COX15: variants seen among roughly 807,000 people sequenced by gnomAD.
COX15 encodes heme A synthase COX15.
Under a neutral mutation model 51.9 loss-of-function variants are expected in COX15, and 51 were observed. That is an observed-to-expected ratio of 0.98 (90% CI 0.78 to 1.24). The LOEUF (loss-of-function observed/expected upper bound fraction) is 1.24, where lower values mean the gene tolerates loss of function less well. COX15 is among the 50% of genes most tolerant of loss of function. The pLI, the probability that COX15 is intolerant of heterozygous loss-of-function variation, is 0.00. For missense variants in COX15, 420 were observed against 501.1 expected (o/e 0.84, Z 1.55); for synonymous variants, 188 against 190.5 (o/e 0.99, Z 0.11).
intron 7 of COX15, among the ~76,000 whole-genome samples, chr10:99,716,839 G>T (rs960128682): frequency 3.3e-5 from 5 of 151,778 alleles, no homozygotes; most frequent in Non-Finnish European, 5.9e-5. Context: ...AGCACATGAG[G>T]GTTATTATTT....
chr10:99,710,981 G>T lies in COX15; in HGVS notation c.*3606C>A. 1 of 985,188 alleles carries T rather than the reference G, an allele frequency of 1.0e-6. No homozygotes were observed. The highest frequency in any genetic ancestry group is 1.2e-6 in the Non-Finnish European group (1 of 829,774). 61.0% of individuals were successfully genotyped at this position (985,188 alleles called of 1,614,324 possible). On this transcript the variant is annotated 3_prime_UTR_variant, in exon 9 of 9. Coordinates refer to ENST00000016171, the MANE Select transcript of COX15 (RefSeq NM_078470.6). ...CTATTTAATCCTATAGGTATGTGAT[G>T]ACTTGTTTTTTTGGAAAAAGGTATT...
downstream of COX15, chr10:99,709,144 T>C (rs1471638660): frequency 1.0e-6 from 1 of 984,468 alleles, no homozygotes; most frequent in Non-Finnish European, 1.2e-6. Context: ...ATTCATTAGA[T>C]GACTACAGCC....
At chr10:99,697,435 G>C in the COX15 span, 1 of 157,490 alleles carries the variant, frequency 6.3e-6, no homozygotes, top group Admixed American at 6.5e-5. Flanking sequence ...TTTTCTGTCT[G>C]CTGTTTTCTG....
At chr10:99,696,535 A>C in the COX15 span, among the ~76,000 whole-genome samples, 1 of 152,202 alleles carries the variant, frequency 6.6e-6, no homozygotes, top group Non-Finnish European at 1.5e-5. Flanking sequence ...TCAGTTCTGT[A>C]GTATGTCTAA....
At chr10:99,700,727 A>C in the COX15 span, 1 of 537,996 alleles carries the variant, frequency 1.9e-6, no homozygotes, top group South Asian at 2.3e-5. Context: ...TGTTAGTCCT[A>C]ACCTCAGCCC....
At chr10:99,702,608 G>A in the COX15 span, 4 of 1,613,820 alleles carry the variant, frequency 2.5e-6, no homozygotes, top group Non-Finnish European at 3.4e-6. Context: ...CCCAGCTGGT[G>A]TATGACCGAG....
Position 99,714,261 on chromosome 10 carries a change from A to G in COX15, c.*326T>C. 8.5e-7 allele frequency: 1 copy of G among 1,174,996 alleles called. No individual in the cohort carries two copies. The allele number at this position is 1,174,996 out of a possible 1,614,324, so 72.8% of individuals were successfully genotyped here. ...GACTCAGGAGAACATCCACGTAGAA[A>G]TCATCCACGTAGAACCAAGAGCTTG... On this transcript the variant is annotated 3_prime_UTR_variant, in exon 9 of 9. Transcript: ENST00000016171.
At chr10:99,695,783 G>A in the COX15 span, among the ~76,000 whole-genome samples, 1 of 152,114 alleles carries the variant, frequency 6.6e-6, no homozygotes, top group Non-Finnish European at 1.5e-5. Flanking sequence ...ACCTTTTAGT[G>A]CAGTCTTGTC....
chr10:99,707,724 G>A (rs542807564), downstream of COX15, among the ~76,000 whole-genome samples: 1 of 152,294 alleles, frequency 6.6e-6, no homozygotes, highest in East Asian at 1.9e-4. Context: ...TTAGTCTTGT[G>A]ATAGCACAAT....
In COX15 at chr10:99,714,236, G is replaced by A; in HGVS notation, c.*351C>T. ...GAAATTCTATTTAGGCAGAATTAAGGACTCAGGAGAACATCCACGTAGAAA... is the reference window on the plus strand; with the variant it reads ...GAAATTCTATTTAGGCAGAATTAAGAACTCAGGAGAACATCCACGTAGAAA... On this transcript the variant is annotated 3_prime_UTR_variant, in exon 9 of 9. Coordinates refer to ENST00000016171, the MANE Select transcript of COX15 (RefSeq NM_078470.6). The A allele has an allele frequency of 8.8e-7, 1 of 1,136,964 alleles. No homozygotes were observed. Among genetic ancestry groups the A allele is most frequent in the Non-Finnish European group, 1.1e-6 (1 of 917,544 alleles). The allele number at this position is 1,136,964 out of a possible 1,614,324, so 70.4% of individuals were successfully genotyped here.
intron 6 of COX15, among the ~76,000 whole-genome samples, chr10:99,720,288 T>TA (rs2036718745): frequency 6.6e-6 from 1 of 152,054 alleles, no homozygotes; most frequent in Admixed American, 6.5e-5. Flanking sequence ...CTACTAAAAA[T>TA]ACAAAAATCA....
At chr10:99,716,059 T>C (rs1327953726) in intron 8 of COX15, among the ~76,000 whole-genome samples, 1 of 151,690 alleles carries the variant, frequency 6.6e-6, no homozygotes, top group Non-Finnish European at 1.5e-5. Context: ...CGGTGCGATC[T>C]TGACTCACTG....
intron 7 of COX15, among the ~76,000 whole-genome samples, chr10:99,717,553 C>T (rs537438807): frequency 6.6e-6 from 1 of 152,228 alleles, no homozygotes; most frequent in African/African-American, 2.4e-5. Flanking sequence ...GAGACAGGCT[C>T]TCACTCTGTC....
chr10:99,698,729 C>CA, the COX15 span: 1 of 1,614,224 alleles, frequency 6.2e-7, no homozygotes, highest in South Asian at 1.1e-5. Flanking sequence ...CACTCAATGG[C>CA]ATATATCAAT....
At chr10:99,705,988 C>G (rs2036242672), downstream of COX15, 1 of 152,176 alleles carries the variant, frequency 6.6e-6, no homozygotes, top group Non-Finnish European at 1.5e-5. Context: ...TATATTTTAC[C>G]CTTTCCTACA....
intron 3 of COX15, 103 bp downstream of exon 3, chr10:99,727,338 C>T: frequency 6.4e-7 from 1 of 1,550,560 alleles, no homozygotes; most frequent in Non-Finnish European, 8.8e-7. Context: ...CTAAACATAA[C>T]TGAACCGAAG....
intron 1 of COX15, among the ~76,000 whole-genome samples, chr10:99,730,733 A>G (rs1454799156): frequency 6.6e-6 from 1 of 152,272 alleles, no homozygotes; most frequent in Admixed American, 6.5e-5. Flanking sequence ...TTATCTAAAC[A>G]TAGAAAAATT....
chr10:99,704,604 A>C, the COX15 span: 1 of 1,614,146 alleles, frequency 6.2e-7, no homozygotes. Flanking sequence ...CACCACCGAC[A>C]AACACGAGCC....
chr10:99,701,139 G>C, the COX15 span: 1 of 1,219,734 alleles, frequency 8.2e-7, no homozygotes, highest in Non-Finnish European at 1.2e-6. Flanking sequence ...CAATAATGCA[G>C]ATTAGATTTC....
Sources: gnomAD v4.1 joint callset for allele counts (sites outside exome capture counted in the v4.1 genomes callset) on GRCh38, gnomAD v4.1.1 for gene constraint, MANE v1.5 for transcripts, NCBI Gene and HGNC (gene_info 2026-07-23, HGNC 2026-07-21) for gene names.